Variants in RBPMS observed in about 807,000 individuals in gnomAD.
RBPMS encodes RNA binding protein, mRNA processing factor.
In RBPMS, 7 loss-of-function variants were observed where a neutral mutation model predicts 26.8. The ratio of observed to expected loss-of-function variants is 0.26; its 90% CI spans 0.15 to 0.49. RBPMS has a LOEUF of 0.49. RBPMS is among the 20% of genes least tolerant of loss of function. The probability of loss-of-function intolerance (pLI) is 0.98; values close to 1 mark genes in which losing one functional copy is unlikely to be tolerated. For synonymous variants in RBPMS, 96 were observed against 93.3 expected (o/e 1.03, Z -0.17); for missense variants, 186 against 250.0 (o/e 0.74, Z 1.73).
At chr8:30,457,583 C>CTTTT (rs77253053) in intron 1 of RBPMS, among the ~76,000 whole-genome samples, 5 of 132,872 alleles carry the variant, frequency 3.8e-5, no homozygotes, top group Non-Finnish European at 4.7e-5. Flanking sequence ...GATTTACATT[C>CTTTT]TTTTTTTTTT....
At chr8:30,467,857 A>G (rs982335642) in intron 1 of RBPMS, among the ~76,000 whole-genome samples, 1 of 152,240 alleles carries the variant, frequency 6.6e-6, no homozygotes, top group Non-Finnish European at 1.5e-5. Flanking sequence ...TCTCATTTTT[A>G]AAGTAGTTGT....
At chr8:30,518,554 T>C (rs1415633903) in intron 5 of RBPMS, among the ~76,000 whole-genome samples, 1 of 151,856 alleles carries the variant, frequency 6.6e-6, no homozygotes, top group African/African-American at 2.4e-5. Context: ...GCCTCCCGAG[T>C]AGCTGGGATT....
At chr8:30,426,950 C>T (rs1165708953) in intron 1 of RBPMS, among the ~76,000 whole-genome samples, 1 of 152,016 alleles carries the variant, frequency 6.6e-6, no homozygotes, top group Non-Finnish European at 1.5e-5. Context: ...GTTTACTGCC[C>T]CTTCCCTTTT....
At position 30,424,019 on chromosome 8, in the gene RBPMS, G is replaced by A. The variant is rs1431860264; in HGVS notation, c.66+38861G>A. On this transcript the variant is annotated intron_variant, in intron 1 of 8. Coordinates refer to ENST00000397323, the MANE Select transcript of RBPMS (RefSeq NM_001008710.3). The stretch of plus-strand genomic sequence containing the variant: ...TGCCCGGCTCATTTTTGTATTTTTT[G>A]TAGAGACAGAGGTTCACCATGTTGG... Among the ~76,000 whole-genome samples, 6 of 152,114 alleles carry A rather than the reference G, an allele frequency of 3.9e-5. No individual in the cohort carries two copies. In the East Asian group the frequency reaches 1.2e-3, roughly 29 times the overall value.
chr8:30,550,445 G>T (rs752171220), intron 6 of RBPMS, among the ~76,000 whole-genome samples: 1 of 152,154 alleles, frequency 6.6e-6, no homozygotes, highest in African/African-American at 2.4e-5. Flanking sequence ...CCCTTCCCAA[G>T]GATCTTTTAA....
chr8:30,523,358 G>C (rs933672958), intron 5 of RBPMS, among the ~76,000 whole-genome samples: 1 of 150,016 alleles, frequency 6.7e-6, no homozygotes, highest in Non-Finnish European at 1.5e-5. Flanking sequence ...GCCTGGGCAA[G>C]AGAGTGAAAC....
At chr8:30,468,989 G>A (rs1816806984) in intron 1 of RBPMS, among the ~76,000 whole-genome samples, 1 of 152,144 alleles carries the variant, frequency 6.6e-6, no homozygotes, top group African/African-American at 2.4e-5. Context: ...AACCTCAAGA[G>A]CCCAGCTCAG....
chr8:30,503,798 G>A (rs941208997), intron 4 of RBPMS, among the ~76,000 whole-genome samples: 1 of 152,162 alleles, frequency 6.6e-6, no homozygotes, highest in Non-Finnish European at 1.5e-5. Context: ...TTGACACGTA[G>A]GGTCCAGAAT....
intron 1 of RBPMS, among the ~76,000 whole-genome samples, chr8:30,431,355 T>G (rs539098837): frequency 1.5e-5 from 1 of 65,068 alleles, no homozygotes; most frequent in African/African-American, 6.4e-5. Context: ...TTTTTTTTCT[T>G]TCTCTTTCTT....
At chr8:30,561,132 T>C (rs1827446057) in intron 7 of RBPMS, among the ~76,000 whole-genome samples, 1 of 152,198 alleles carries the variant, frequency 6.6e-6, no homozygotes, top group Non-Finnish European at 1.5e-5. Flanking sequence ...TGTTTAATTA[T>C]TTTGTGAATT....
At chr8:30,528,012 C>G (rs1234542463) in intron 5 of RBPMS, among the ~76,000 whole-genome samples, 1 of 152,038 alleles carries the variant, frequency 6.6e-6, no homozygotes, top group Admixed American at 6.6e-5. Flanking sequence ...CCCGTCTCTA[C>G]TAATATACAA....
chr8:30,432,239 A>T (rs2150672568), intron 1 of RBPMS, among the ~76,000 whole-genome samples: 1 of 152,354 alleles, frequency 6.6e-6, no homozygotes, highest in South Asian at 2.1e-4. Flanking sequence ...TGTTTAAATA[A>T]ACTGACTCTC....
chr8:30,419,290 A>G (rs1191933095), intron 1 of RBPMS, among the ~76,000 whole-genome samples: 2 of 152,176 alleles, frequency 1.3e-5, no homozygotes, highest in African/African-American at 4.8e-5. Context: ...TATTAAAAAT[A>G]CAAAAATTAT....
chr8:30,537,299 G>A (rs912260618), intron 5 of RBPMS, among the ~76,000 whole-genome samples: 1 of 152,330 alleles, frequency 6.6e-6, no homozygotes. Context: ...GGTCAGAACA[G>A]CAGAAAATCA....
At chr8:30,433,747 A>G (rs1812172202) in intron 1 of RBPMS, among the ~76,000 whole-genome samples, 1 of 152,160 alleles carries the variant, frequency 6.6e-6, no homozygotes, top group East Asian at 1.9e-4. Flanking sequence ...TGAACATAGG[A>G]TCTGATTCAC....
intron 6 of RBPMS, among the ~76,000 whole-genome samples, chr8:30,555,429 G>A (rs537596763): frequency 2.6e-5 from 4 of 152,280 alleles, no homozygotes; most frequent in South Asian, 4.2e-4. Context: ...TGCTTAGCGC[G>A]GTCTCTGACG....
intron 3 of RBPMS, among the ~76,000 whole-genome samples, chr8:30,478,130 A>G (rs946205016): frequency 2.0e-5 from 3 of 152,214 alleles, no homozygotes; most frequent in Admixed American, 6.5e-5. Flanking sequence ...TTTATTCCCA[A>G]GTCTTTCCCA....
At chr8:30,525,172 G>A (rs1437873330) in intron 5 of RBPMS, among the ~76,000 whole-genome samples, 1 of 152,098 alleles carries the variant, frequency 6.6e-6, no homozygotes, top group African/African-American at 2.4e-5. Flanking sequence ...GTTAAATTTA[G>A]GAATTAGCAG....
At chr8:30,484,448 AAT>A (rs1465494986) in intron 4 of RBPMS, among the ~76,000 whole-genome samples, 1 of 152,218 alleles carries the variant, frequency 6.6e-6, no homozygotes, top group Non-Finnish European at 1.5e-5. Context: ...TTACTCTTTT[AAT>A]AAGACAGAAC....
Sources: allele counts gnomAD v4.1 joint callset (sites outside exome capture counted in the v4.1 genomes callset), GRCh38; gene constraint gnomAD v4.1.1; transcripts MANE v1.5; gene names NCBI Gene and HGNC (gene_info 2026-07-23, HGNC 2026-07-21).